Variants in NCAM1 observed in about 807,000 individuals in gnomAD.
NCAM1 encodes neural cell adhesion molecule 1, also known as antigen recognized by monoclonal antibody 5.1H11.
NCAM1 carries 14 observed loss-of-function variants against 109.8 expected under a neutral mutation model. The observed-to-expected ratio is 0.13, with a 90% CI of 0.08 to 0.20. NCAM1 has a LOEUF of 0.20. NCAM1 is among the 10% of genes least tolerant of loss of function. The pLI is 1.00. For synonymous variants in NCAM1, 418 were observed against 442.9 expected, an observed-to-expected ratio of 0.94 and a Z score of 0.70; for missense variants, 774 against 1,109.9, an observed-to-expected ratio of 0.70 and a Z score of 4.30.
chr11:112,967,141 TA>T (rs1281733503), intron 1 of NCAM1, among the ~76,000 whole-genome samples: 2 of 152,202 alleles, frequency 1.3e-5, no homozygotes, highest in Non-Finnish European at 2.9e-5. Context: ...CAAACATGGG[TA>T]ACAGCTGATC....
At chr11:113,119,329 T>C (rs1555095567) in intron 1 of NCAM1, among the ~76,000 whole-genome samples, 1 of 152,186 alleles carries the variant, frequency 6.6e-6, no homozygotes, top group Non-Finnish European at 1.5e-5. Flanking sequence ...ATGATATCCA[T>C]GGAGCAGATG....
intron 9 of NCAM1, 43 bp from the exon 10 acceptor site, chr11:113,231,602 G>A: frequency 1.3e-6 from 2 of 1,599,646 alleles, no homozygotes; most frequent in Non-Finnish European, 1.7e-6. Flanking sequence ...CCTTCACCCT[G>A]CCTTGGGCTC....
intron 1 of NCAM1, among the ~76,000 whole-genome samples, chr11:113,170,008 A>G (rs1306625579): frequency 6.6e-6 from 1 of 152,098 alleles, no homozygotes; most frequent in Non-Finnish European, 1.5e-5. Context: ...CTTCATTTTC[A>G]AGTGTCTCGA....
chr11:113,201,064 T>C (rs1391728700), intron 1 of NCAM1, among the ~76,000 whole-genome samples: 1 of 152,112 alleles, frequency 6.6e-6, no homozygotes, highest in South Asian at 2.1e-4. Context: ...CTCCTTCCCT[T>C]TTCCATCCCT....
At chr11:113,099,221 T>C (rs1397590722) in intron 1 of NCAM1, among the ~76,000 whole-genome samples, 1 of 152,164 alleles carries the variant, frequency 6.6e-6, no homozygotes, top group Non-Finnish European at 1.5e-5. Flanking sequence ...ATGATTTTAA[T>C]TGTTATGTCC....
At chr11:113,060,324 G>A (rs1451594055) in intron 1 of NCAM1, among the ~76,000 whole-genome samples, 1 of 152,062 alleles carries the variant, frequency 6.6e-6, no homozygotes, top group Non-Finnish European at 1.5e-5. Context: ...CCCATTTTAT[G>A]AACTAAATTT....
chr11:113,263,425 T>G (rs1358903415), intron 17 of NCAM1: 1 of 988,712 alleles, frequency 1.0e-6, no homozygotes, highest in Admixed American at 6.0e-5. Flanking sequence ...GTGCCCATGT[T>G]AAAAGAGCCA....
intron 1 of NCAM1, among the ~76,000 whole-genome samples, chr11:113,120,874 G>A (rs1354365659): frequency 6.6e-6 from 1 of 152,178 alleles, no homozygotes; most frequent in Non-Finnish European, 1.5e-5. Context: ...AATGAATGAG[G>A]CTGAAGACCA....
chr11:113,092,192 C>G (rs1302983767), intron 1 of NCAM1, among the ~76,000 whole-genome samples: 2 of 151,992 alleles, frequency 1.3e-5, no homozygotes, highest in African/African-American at 2.4e-5. Context: ...AGACAGTGTT[C>G]TAAATTTAAT....
chr11:113,259,205 C>T (rs1006968878), intron 16 of NCAM1, among the ~76,000 whole-genome samples: 4 of 151,798 alleles, frequency 2.6e-5, no homozygotes, highest in Non-Finnish European at 5.9e-5. Flanking sequence ...GCGCCCGCCA[C>T]TACGCCCGGC....
intron 14 of NCAM1, among the ~76,000 whole-genome samples, chr11:113,235,734 T>C (rs998346953): frequency 6.6e-6 from 1 of 152,212 alleles, no homozygotes; most frequent in African/African-American, 2.4e-5. Flanking sequence ...AGCAAGAGCA[T>C]TCCTCACGGC....
intron 1 of NCAM1, among the ~76,000 whole-genome samples, chr11:112,974,827 G>A (rs1325891036): frequency 6.6e-6 from 1 of 151,782 alleles, no homozygotes; most frequent in African/African-American, 2.4e-5. Context: ...GTGTGTGTGT[G>A]TGTGTATGTA....
intron 17 of NCAM1, among the ~76,000 whole-genome samples, chr11:113,269,299 A>T (rs952656570): frequency 2.0e-5 from 3 of 152,174 alleles, no homozygotes; most frequent in Non-Finnish European, 2.9e-5. Context: ...GGGAAGTAAG[A>T]CACAGGCTGA....
Position 113,236,125 on chromosome 11 carries a change from A to G in NCAM1, c.1825+961A>G, listed in dbSNP as rs1314758959. Among the ~76,000 whole-genome samples the G allele has an allele frequency of 2.0e-5, 3 of 152,326 alleles. No homozygotes were observed. The East Asian group carries it at 5.8e-4, about 29-fold the overall frequency. On this transcript the variant is annotated intron_variant, in intron 14 of 19. Coordinates refer to ENST00000316851, the MANE Select transcript of NCAM1 (RefSeq NM_181351.5). ...TCCCAGAAATAGGAAAGCCTGTCTC[A>G]TCTTCCTTCTACAGGAGTGGCTTCT...
chr11:113,052,792 C>T (rs1325069581), intron 1 of NCAM1, among the ~76,000 whole-genome samples: 3 of 152,156 alleles, frequency 2.0e-5, no homozygotes, highest in Non-Finnish European at 4.4e-5. Context: ...ATCAACTCAT[C>T]GCCTAGGTAT....
At position 113,275,742 on chromosome 11, in the gene NCAM1, C is replaced by A. The variant is rs1312167935; in HGVS notation, c.*355C>A. The A allele has an allele frequency of 1.1e-4, 20 of 189,184 alleles. No individual in the cohort carries two copies. The highest frequency in any genetic ancestry group is 5.6e-5 in the Admixed American group (1 of 17,876). The allele number at this position is 189,184 out of a possible 1,614,324, so 11.7% of individuals were successfully genotyped here. A position where few individuals can be genotyped will look rare whatever the true frequency, so the allele number is the denominator to read the frequency against. ...AATCTAGGAAGCTCAGAAACGAAAT[C>A]TAGGTTCAGGAAGACCACACTTGGT... On this transcript the variant is annotated 3_prime_UTR_variant, in exon 20 of 20. Transcript: ENST00000316851.
chr11:113,022,762 C>T (rs1952428938), intron 1 of NCAM1, among the ~76,000 whole-genome samples: 1 of 152,136 alleles, frequency 6.6e-6, no homozygotes, highest in African/African-American at 2.4e-5. Flanking sequence ...GGTGGTTTCA[C>T]CATGTGATCG....
At chr11:113,260,537 G>A (rs782446938) in intron 17 of NCAM1, 5 of 539,830 alleles carry the variant, frequency 9.3e-6, no homozygotes, top group African/African-American at 3.9e-5. Context: ...GCATCCTGGA[G>A]AAAAGGTCCT....
At chr11:113,220,840 A>C (rs1159356662) in intron 8 of NCAM1, among the ~76,000 whole-genome samples, 1 of 151,528 alleles carries the variant, frequency 6.6e-6, no homozygotes, top group Non-Finnish European at 1.5e-5. Flanking sequence ...CAATCTCCTG[A>C]CCTCGTGATC....
Sources: gnomAD v4.1 joint callset for allele counts (sites outside exome capture counted in the v4.1 genomes callset) on GRCh38, gnomAD v4.1.1 for gene constraint, MANE v1.5 for transcripts, NCBI Gene and HGNC (gene_info 2026-07-23, HGNC 2026-07-21) for gene names.